Variants in RSF1 observed in about 807,000 individuals in gnomAD.
RSF1 encodes the protein remodeling and spacing factor 1.
Under a neutral mutation model 145.2 loss-of-function variants are expected in RSF1, and 13 were observed. That is an observed-to-expected ratio of 0.09 (90% CI 0.06 to 0.14). The LOEUF is 0.14. Ranked by LOEUF, RSF1 falls within the 10% of genes least tolerant of loss-of-function variation. The pLI, the probability that RSF1 is intolerant of heterozygous loss-of-function variation, is 1.00. For missense variants in RSF1, 1,517 were observed against 1,718.2 expected (o/e 0.88, Z 2.07); for synonymous variants, 577 against 592.6 (o/e 0.97, Z 0.38).
chr11:77,854,781 A>G, the RSF1 span, among the ~76,000 whole-genome samples: 1 of 152,188 alleles, frequency 6.6e-6, no homozygotes, highest in Non-Finnish European at 1.5e-5. Flanking sequence ...CACCTCCATT[A>G]ACCACTGTCC....
chr11:77,852,836 T>A, the RSF1 span, among the ~76,000 whole-genome samples: 1 of 152,202 alleles, frequency 6.6e-6, no homozygotes, highest in South Asian at 2.1e-4. Flanking sequence ...ACTTAATATA[T>A]ACAGAAAATC....
At chr11:77,738,042 T>C (rs1961408577) in intron 4 of RSF1, among the ~76,000 whole-genome samples, 1 of 152,162 alleles carries the variant, frequency 6.6e-6, no homozygotes, top group African/African-American at 2.4e-5. Flanking sequence ...GGCAGAAGAA[T>C]GGCGTGAACC....
intron 9 of RSF1, 68 bp downstream of exon 9, chr11:77,691,091 T>C (rs1354547016): frequency 1.4e-6 from 2 of 1,418,900 alleles, no homozygotes; most frequent in African/African-American, 2.8e-5. Context: ...TGGATCCATT[T>C]ATCCATACAG....
At chr11:77,867,573 A>C in the RSF1 span, among the ~76,000 whole-genome samples, 1 of 152,240 alleles carries the variant, frequency 6.6e-6, no homozygotes, top group Non-Finnish European at 1.5e-5. Context: ...TGCTGGATGA[A>C]TGAATGAAAG....
At chr11:77,721,137 G>A (rs1960932013) in intron 5 of RSF1, among the ~76,000 whole-genome samples, 1 of 152,098 alleles carries the variant, frequency 6.6e-6, no homozygotes, top group South Asian at 2.1e-4. Context: ...CCTCTCCAGT[G>A]CCTATTTATT....
chr11:77,859,512 T>C, the RSF1 span, among the ~76,000 whole-genome samples: 1 of 152,214 alleles, frequency 6.6e-6, no homozygotes. Flanking sequence ...AGAGTCTGTA[T>C]ATATATTTAC....
intron 1 of RSF1, among the ~76,000 whole-genome samples, chr11:77,768,189 G>T (rs1266754498): frequency 8.0e-6 from 1 of 125,268 alleles, no homozygotes; most frequent in Non-Finnish European, 1.6e-5. Flanking sequence ...TTGAGACAGA[G>T]TCTCGTTCTG....
intron 4 of RSF1, among the ~76,000 whole-genome samples, chr11:77,727,163 GGAAGGAAAATTAAGACTCAGA>G (rs1961075116): frequency 6.6e-6 from 1 of 152,100 alleles, no homozygotes; most frequent in African/African-American, 2.4e-5. Context: ...CCATTTTACA[GGAAGGAAAATTAAGACTCAGA>G]GACTTTATTT....
chr11:77,713,015 G>A (rs942177001), intron 5 of RSF1, among the ~76,000 whole-genome samples: 2 of 152,120 alleles, frequency 1.3e-5, no homozygotes, highest in Non-Finnish European at 2.9e-5. Flanking sequence ...TCTCTAAGGA[G>A]CTCTGGTTCC....
the RSF1 span, among the ~76,000 whole-genome samples, chr11:77,845,808 C>T: frequency 6.6e-6 from 1 of 152,108 alleles, no homozygotes. Context: ...GTTATACTTT[C>T]CTTTAGTTCT....
At chr11:77,813,116 T>G (rs780542356) in intron 1 of RSF1, among the ~76,000 whole-genome samples, 4 of 152,102 alleles carry the variant, frequency 2.6e-5, no homozygotes, top group African/African-American at 9.7e-5. Flanking sequence ...GCACAAATTA[T>G]GAAATAATTT....
chr11:77,759,017 T>C (rs1948144255), intron 2 of RSF1, among the ~76,000 whole-genome samples: 1 of 152,214 alleles, frequency 6.6e-6, no homozygotes, highest in African/African-American at 2.4e-5. Context: ...TAAGAATCCA[T>C]TGCCAGATCC....
At chr11:77,864,411 G>A in the RSF1 span, among the ~76,000 whole-genome samples, 1 of 151,928 alleles carries the variant, frequency 6.6e-6, no homozygotes, top group Non-Finnish European at 1.5e-5. Context: ...CTGCACTCCA[G>A]CCTGGGCAAC....
intron 1 of RSF1, among the ~76,000 whole-genome samples, chr11:77,783,933 T>C (rs1948429707): frequency 6.6e-6 from 1 of 152,218 alleles, no homozygotes; most frequent in African/African-American, 2.4e-5. Context: ...TTTTCTTAGG[T>C]TGCCTTTAAG....
chr11:77,801,756 A>G (rs1948628402), intron 1 of RSF1, among the ~76,000 whole-genome samples: 1 of 152,116 alleles, frequency 6.6e-6, no homozygotes. Flanking sequence ...AGCCATGATT[A>G]CATGCCTAGA....
At chr11:77,834,172 T>C in the RSF1 span, among the ~76,000 whole-genome samples, 7 of 152,162 alleles carry the variant, frequency 4.6e-5, no homozygotes, top group Non-Finnish European at 1.0e-4. Context: ...TAAATACTAA[T>C]TCAATGAATA....
intron 5 of RSF1, among the ~76,000 whole-genome samples, chr11:77,713,904 CTT>C (rs1382496337): frequency 2.6e-5 from 4 of 152,174 alleles, no homozygotes; most frequent in Non-Finnish European, 5.9e-5. Flanking sequence ...CTTGTTCTCT[CTT>C]GTTCTTATAA....
In RSF1 at chr11:77,802,892, A is replaced by G. The variant is rs143957806; in HGVS notation, c.187+17636T>C. Among the ~76,000 whole-genome samples the G allele has an allele frequency of 1.6e-3, 237 of 152,262 alleles. 1 individual carries two copies. Among genetic ancestry groups the G allele is most frequent in the African/African-American group, 5.5e-3 (230 of 41,554 alleles). On this transcript the variant is annotated intron_variant, in intron 1 of 15. Coordinates refer to ENST00000308488, the MANE Select transcript of RSF1 (RefSeq NM_016578.4). ...AAAAAACTTTCAACAATGTACTAGC[A>G]AACTATGATATATAGCGCCTCTCCA...
intron 14 of RSF1, among the ~76,000 whole-genome samples, chr11:77,673,046 G>T (rs1488001530): frequency 6.6e-6 from 1 of 152,126 alleles, no homozygotes; most frequent in East Asian, 1.9e-4. Flanking sequence ...ACCTGGTCAG[G>T]TACACAGCTG....
Sources: allele counts gnomAD v4.1 joint callset (sites outside exome capture counted in the v4.1 genomes callset), GRCh38; gene constraint gnomAD v4.1.1; transcripts MANE v1.5; gene names NCBI Gene and HGNC (gene_info 2026-07-23, HGNC 2026-07-21).